The following VPS13D variants were observed in gnomAD, a reference collection of about 807,000 sequenced individuals.
The protein encoded by VPS13D is vacuolar protein sorting 13 homolog D.
A neutral mutation model predicts 461.9 loss-of-function variants in VPS13D; 187 were observed. That is an observed-to-expected ratio of 0.40 (90% CI 0.36 to 0.46). The LOEUF is 0.46. VPS13D is among the 20% of genes least tolerant of loss of function. The pLI, the probability that VPS13D is intolerant of heterozygous loss-of-function variation, is 0.60. For synonymous variants in VPS13D, 1,951 were observed against 1,986.3 expected (o/e 0.98, Z 0.47); for missense variants, 4,711 against 5,364.9 (o/e 0.88, Z 3.81).
intron 27 of VPS13D, among the ~76,000 whole-genome samples, chr1:12,311,057 A>C (rs1254025682): frequency 6.6e-6 from 1 of 151,828 alleles, no homozygotes; most frequent in Non-Finnish European, 1.5e-5. Context: ...CTGGGACCAC[A>C]AGTGCACACC....
At chr1:12,469,840 G>A (rs1309696609) in intron 67 of VPS13D, among the ~76,000 whole-genome samples, 1 of 152,208 alleles carries the variant, frequency 6.6e-6, no homozygotes, top group Non-Finnish European at 1.5e-5. Flanking sequence ...AGGGTAGTAA[G>A]TGTAGAGCAG....
At chr1:12,261,224 C>T (rs1641098502) in intron 12 of VPS13D, 75 bp downstream of exon 12, 2 of 1,541,252 alleles carry the variant, frequency 1.3e-6, no homozygotes, top group African/African-American at 2.7e-5. Context: ...TGGTATTTTT[C>T]AAATTTAACA....
At chr1:12,422,891 T>C (rs1172533831) in intron 65 of VPS13D, among the ~76,000 whole-genome samples, 1 of 151,968 alleles carries the variant, frequency 6.6e-6, no homozygotes, top group African/African-American at 2.4e-5. Flanking sequence ...TCCTTTGTGT[T>C]TGTAAGGCAT....
At chr1:12,296,938 C>T (rs1642296063) in intron 24 of VPS13D, among the ~76,000 whole-genome samples, 2 of 152,092 alleles carry the variant, frequency 1.3e-5, no homozygotes, top group African/African-American at 2.4e-5. Context: ...CAATAAGTCT[C>T]AAGTTTTGCT....
intron 65 of VPS13D, among the ~76,000 whole-genome samples, chr1:12,427,435 A>G (rs1644937054): frequency 1.3e-5 from 2 of 151,768 alleles, no homozygotes; most frequent in Non-Finnish European, 2.9e-5. Context: ...TCAGCCCTCC[A>G]TATCTGTGGG....
intron 60 of VPS13D, among the ~76,000 whole-genome samples, chr1:12,399,583 G>A (rs1387699755): frequency 6.6e-6 from 1 of 152,028 alleles, no homozygotes; most frequent in Non-Finnish European, 1.5e-5. Context: ...CCTTTGGGAG[G>A]CCAAGGTGGG....
rs920954626 is a variant in VPS13D, at chr1:12,369,600, C to T, written c.10706C>T (p.Ala3569Val). ...PPFITLTVKG[A>V]GSSEINCNMN... Reference sequence around the variant, plus strand: ...TTTATCACTCTGACTGTTAAAGGGGCAGGGTCCTCTGAGATCAACTGCAAC... The same window carrying T: ...TTTATCACTCTGACTGTTAAAGGGGTAGGGTCCTCTGAGATCAACTGCAAC... Residue 3569 changes from alanine to valine, a missense_variant, in exon 54 of 70, where the codon GCA becomes GTA. Transcript: ENST00000620676. 6.2e-7 allele frequency: 1 copy of T among 1,614,060 alleles called. No homozygotes were observed. Among genetic ancestry groups the T allele is most frequent in the African/African-American group, 1.3e-5 (1 of 74,920 alleles).
At chr1:12,380,370 C>T (rs1644257119) in intron 57 of VPS13D, among the ~76,000 whole-genome samples, 1 of 152,190 alleles carries the variant, frequency 6.6e-6, no homozygotes, top group African/African-American at 2.4e-5. Context: ...ACATGGTGAG[C>T]ATTCGCCAGG....
intron 49 of VPS13D, among the ~76,000 whole-genome samples, chr1:12,356,743 A>G (rs186916126): frequency 6.6e-6 from 1 of 152,328 alleles, no homozygotes; most frequent in East Asian, 1.9e-4. Context: ...AATGAAAGCT[A>G]GTTTTATTTT....
At chr1:12,354,347 T>A (rs1229614184) in intron 47 of VPS13D, 126 bp downstream of exon 47, 2 of 1,213,186 alleles carry the variant, frequency 1.6e-6, no homozygotes, top group Non-Finnish European at 2.3e-6. Flanking sequence ...ATAAGCCAGC[T>A]CAAAGGAATC....
intron 6 of VPS13D, among the ~76,000 whole-genome samples, chr1:12,253,260 G>GAT (rs1434085429): frequency 6.6e-6 from 1 of 152,134 alleles, no homozygotes; most frequent in Non-Finnish European, 1.5e-5. Flanking sequence ...GTACAGGGAG[G>GAT]ATATATGGGT....
At chr1:12,370,636 G>A (rs1008582843) in intron 54 of VPS13D, among the ~76,000 whole-genome samples, 3 of 152,234 alleles carry the variant, frequency 2.0e-5, no homozygotes, top group Admixed American at 6.5e-5. Context: ...CTTTGGGAAC[G>A]ATGGTGCTAG....
At chr1:12,322,043 C>T in intron 33 of VPS13D, 79 bp downstream of exon 33, 1 of 1,530,856 alleles carries the variant, frequency 6.5e-7, no homozygotes, top group Non-Finnish European at 8.8e-7. Flanking sequence ...TTGCTCTGAG[C>T]CCAACAACCT....
chr1:12,342,545 TAGAAG>T (rs1177527661), intron 41 of VPS13D, among the ~76,000 whole-genome samples: 1 of 152,230 alleles, frequency 6.6e-6, no homozygotes, highest in Non-Finnish European at 1.5e-5. Context: ...GAGACTGCTC[TAGAAG>T]AGAAGCTTTT....
At chr1:12,284,625 C>T (rs1025529313) in intron 21 of VPS13D, among the ~76,000 whole-genome samples, 6 of 152,226 alleles carry the variant, frequency 3.9e-5, no homozygotes, top group South Asian at 2.1e-4. Flanking sequence ...GAACCCCGGC[C>T]GTGGCTGGTA....
At chr1:12,359,176 G>A (rs1329368064) in intron 50 of VPS13D, among the ~76,000 whole-genome samples, 2 of 152,168 alleles carry the variant, frequency 1.3e-5, no homozygotes, top group Non-Finnish European at 2.9e-5. Context: ...GGAGGATACT[G>A]TACCCATATG....
chr1:12,463,535 G>C (rs1338490264), intron 67 of VPS13D, among the ~76,000 whole-genome samples: 1 of 152,134 alleles, frequency 6.6e-6, no homozygotes, highest in East Asian at 1.9e-4. Context: ...AGGATTGCTT[G>C]AGCCCAGGAG....
rs376129641 is a variant in VPS13D at position 12,470,278 on chromosome 1, T to C, written c.12662+9882T>C. ...AATCCATGGTAACCTCGCGGAGTAATGCCAGGATGGACAGAGGCCAGGGCT... is the reference window on the plus strand; with the variant it reads ...AATCCATGGTAACCTCGCGGAGTAACGCCAGGATGGACAGAGGCCAGGGCT... On this transcript the variant is annotated intron_variant, in intron 67 of 69. Transcript: ENST00000620676. 2.6e-4 allele frequency among the ~76,000 whole-genome samples: 39 copies of C among 152,288 alleles called. 3 individuals are homozygous for C. The highest frequency in any genetic ancestry group is 2.0e-3 in the Admixed American group (31 of 15,302).
chr1:12,290,549 C>T (rs777481130), intron 22 of VPS13D, among the ~76,000 whole-genome samples: 55 of 151,942 alleles, frequency 3.6e-4, no homozygotes, highest in Non-Finnish European at 6.5e-4. Context: ...GGTGAAACCC[C>T]GTCTCTACTA....
Sources: allele counts gnomAD v4.1 joint callset (sites outside exome capture counted in the v4.1 genomes callset), GRCh38; gene constraint gnomAD v4.1.1; transcripts MANE v1.5; gene names NCBI Gene and HGNC (gene_info 2026-07-23, HGNC 2026-07-21).